Variants in ADAMTS3 observed in about 807,000 individuals in gnomAD.
The protein encoded by ADAMTS3 is A disintegrin and metalloproteinase with thrombospondin motifs 3.
ADAMTS3 carries 73 observed loss-of-function variants against 129.0 expected under a neutral mutation model. That is an observed-to-expected ratio of 0.57 (90% CI 0.47 to 0.69). The LOEUF is 0.69. Among genes scored for constraint, ADAMTS3 ranks in the 30% least tolerant of loss-of-function variants. The pLI is 0.00. For synonymous variants in ADAMTS3, 477 were observed against 510.8 expected, an observed-to-expected ratio of 0.93 and a Z score of 0.89; for missense variants, 1,457 against 1,514.5, an observed-to-expected ratio of 0.96 and a Z score of 0.63.
intron 3 of ADAMTS3, among the ~76,000 whole-genome samples, chr4:72,455,620 T>TAA (rs71215432): frequency 1.9e-4 from 25 of 134,784 alleles, no homozygotes; most frequent in African/African-American, 5.8e-4. Context: ...CTTAAAGTAT[T>TAA]AAAAAAAAAA....
intron 3 of ADAMTS3, among the ~76,000 whole-genome samples, chr4:72,498,447 T>G (rs1016247906): frequency 6.6e-6 from 1 of 151,994 alleles, no homozygotes; most frequent in South Asian, 2.1e-4. Flanking sequence ...AAAAAAAGAA[T>G]TTGTTTTCAG....
At chr4:72,308,978 A>G (rs1281897639) in intron 15 of ADAMTS3, among the ~76,000 whole-genome samples, 1 of 152,018 alleles carries the variant, frequency 6.6e-6, no homozygotes, top group Non-Finnish European at 1.5e-5. Context: ...AAGTAAAACT[A>G]ATGTGATATT....
At chr4:72,335,295 T>A (rs754426468) in intron 5 of ADAMTS3, among the ~76,000 whole-genome samples, 2 of 152,168 alleles carry the variant, frequency 1.3e-5, no homozygotes, top group Non-Finnish European at 2.9e-5. Flanking sequence ...ACACCCAGAT[T>A]TGCATGGCAA....
intron 3 of ADAMTS3, among the ~76,000 whole-genome samples, chr4:72,456,900 A>G (rs1382807311): frequency 1.3e-5 from 2 of 151,694 alleles, no homozygotes; most frequent in Non-Finnish European, 3.0e-5. Flanking sequence ...AAGACAAAAG[A>G]AAGTCTTTGA....
chr4:72,527,466 T>A (rs1720844757), intron 3 of ADAMTS3, among the ~76,000 whole-genome samples: 1 of 152,118 alleles, frequency 6.6e-6, no homozygotes, highest in Non-Finnish European at 1.5e-5. Context: ...CATTGTTGCA[T>A]CCACAGCAAT....
chr4:72,303,773 G>T (rs1719013004), intron 17 of ADAMTS3, 144 bp downstream of exon 17: 1 of 753,034 alleles, frequency 1.3e-6, no homozygotes, highest in Non-Finnish European at 2.1e-6. Context: ...AGAGTGGGGG[G>T]AAAGATAAAT....
chr4:72,386,506 AT>A (rs1404988905), intron 4 of ADAMTS3, among the ~76,000 whole-genome samples: 1 of 152,080 alleles, frequency 6.6e-6, no homozygotes, highest in Non-Finnish European at 1.5e-5. Flanking sequence ...CATCAGTGCA[AT>A]AAGGGAGAAT....
intron 3 of ADAMTS3, among the ~76,000 whole-genome samples, chr4:72,478,205 A>C (rs1719300091): frequency 6.6e-6 from 1 of 152,212 alleles, no homozygotes; most frequent in African/African-American, 2.4e-5. Flanking sequence ...GGCCAGCTTC[A>C]TTCTGATACC....
At chr4:72,335,218 AT>A (rs1233825209) in intron 5 of ADAMTS3, among the ~76,000 whole-genome samples, 3 of 152,168 alleles carry the variant, frequency 2.0e-5, no homozygotes, top group Non-Finnish European at 2.9e-5. Flanking sequence ...TACTACTAAT[AT>A]TTTAGCTCTT....
chr4:72,556,199 T>C (rs949779110), intron 2 of ADAMTS3, among the ~76,000 whole-genome samples: 3 of 151,596 alleles, frequency 2.0e-5, no homozygotes, highest in African/African-American at 7.3e-5. Flanking sequence ...TCTTGGGAGA[T>C]TGCTCTGTGC....
At chr4:72,508,587 G>A (rs1379757836) in intron 3 of ADAMTS3, among the ~76,000 whole-genome samples, 1 of 151,994 alleles carries the variant, frequency 6.6e-6, no homozygotes, top group Non-Finnish European at 1.5e-5. Flanking sequence ...AATATCATCT[G>A]GCTGATTCAA....
chr4:72,368,741 C>A (rs1301921618), intron 4 of ADAMTS3, among the ~76,000 whole-genome samples: 1 of 152,198 alleles, frequency 6.6e-6, no homozygotes, highest in Non-Finnish European at 1.5e-5. Flanking sequence ...TTAATTCTCA[C>A]TTTCTACCTT....
intron 3 of ADAMTS3, among the ~76,000 whole-genome samples, chr4:72,419,749 A>G (rs1180267207): frequency 6.6e-6 from 1 of 152,130 alleles, no homozygotes; most frequent in African/African-American, 2.4e-5. Flanking sequence ...AACTCCTGGC[A>G]CACATGTGGA....
chr4:72,513,798 C>A (rs1720379259), intron 3 of ADAMTS3, among the ~76,000 whole-genome samples: 1 of 152,070 alleles, frequency 6.6e-6, no homozygotes, highest in Non-Finnish European at 1.5e-5. Context: ...ACATAGAGAA[C>A]ATTGTACCCA....
At chr4:72,517,393 A>G (rs982135527) in intron 3 of ADAMTS3, among the ~76,000 whole-genome samples, 1 of 152,172 alleles carries the variant, frequency 6.6e-6, no homozygotes, top group African/African-American at 2.4e-5. Context: ...ATTGATTGGA[A>G]TAGTTTCAGA....
At chr4:72,479,081 C>G (rs147824424) in intron 3 of ADAMTS3, among the ~76,000 whole-genome samples, 2,153 of 152,074 alleles carry the variant, frequency 0.014, 52 homozygotes, top group African/African-American at 0.049. Context: ...ATGCTCATGG[C>G]TAGGAAGAAT....
Position 72,290,951 on chromosome 4 carries a change from C to G in ADAMTS3, c.2835G>C (p.Val945=). 6.2e-7 allele frequency: 1 copy of G among 1,614,056 alleles called. No individual in the cohort carries two copies. The highest frequency in any genetic ancestry group is 8.5e-7 in the Non-Finnish European group (1 of 1,179,960). Residue 945 remains valine, a synonymous_variant, in exon 20 of 22, where the codon GTG becomes GTC. Transcript: ENST00000286657. ...GGTCACCCATGCAGTATTTGCTGTGCACAGAGCGGTTGGTGCCATCAAGGA... is the reference window on the plus strand; with the variant it reads ...GGTCACCCATGCAGTATTTGCTGTGGACAGAGCGGTTGGTGCCATCAAGGA... ...QPLLDGTNRS[V]HSKYCMGDRP...
intron 3 of ADAMTS3, among the ~76,000 whole-genome samples, chr4:72,514,908 A>C (rs1720418649): frequency 6.6e-6 from 1 of 152,046 alleles, no homozygotes. Flanking sequence ...ATATGTATAC[A>C]TGTGCCATGC....
At chr4:72,304,152 G>T (rs1208986382) in intron 16 of ADAMTS3, 72 bp from the exon 17 acceptor site, 2 of 1,400,142 alleles carry the variant, frequency 1.4e-6, no homozygotes, top group Non-Finnish European at 2.0e-6. Flanking sequence ...TTCACAGCAA[G>T]TATATCCTTT....
Sources: allele counts gnomAD v4.1 joint callset (sites outside exome capture counted in the v4.1 genomes callset), GRCh38; gene constraint gnomAD v4.1.1; transcripts MANE v1.5; gene names NCBI Gene and HGNC (gene_info 2026-07-23, HGNC 2026-07-21).